Variants in FYN observed in about 807,000 individuals in gnomAD.
FYN encodes the protein tyrosine-protein kinase Fyn.
Under a neutral mutation model 70.2 loss-of-function variants are expected in FYN, and 10 were observed. The ratio of observed to expected loss-of-function variants is 0.14; its 90% CI spans 0.09 to 0.24. FYN has a LOEUF of 0.24. FYN is among the 10% of genes least tolerant of loss of function. The pLI is 1.00. For synonymous variants in FYN, 236 were observed against 248.6 expected, an observed-to-expected ratio of 0.95 and a Z score of 0.48; for missense variants, 319 against 673.1, an observed-to-expected ratio of 0.47 and a Z score of 5.82.
intron 2 of FYN, among the ~76,000 whole-genome samples, chr6:111,795,601 A>G (rs1185254939): frequency 6.6e-6 from 1 of 152,260 alleles, no homozygotes; most frequent in African/African-American, 2.4e-5. Flanking sequence ...CACCAAAATA[A>G]ATGGAAGAAC....
At chr6:111,842,142 G>A (rs970925035) in intron 2 of FYN, among the ~76,000 whole-genome samples, 2 of 152,156 alleles carry the variant, frequency 1.3e-5, no homozygotes, top group East Asian at 3.8e-4. Flanking sequence ...CTGAGGCTGG[G>A]TCACTCCGTT....
chr6:111,841,716 T>A (rs1583486572), intron 2 of FYN, among the ~76,000 whole-genome samples: 1 of 152,190 alleles, frequency 6.6e-6, no homozygotes, highest in Non-Finnish European at 1.5e-5. Flanking sequence ...AATATTGTTA[T>A]CTGCAGTTGT....
chr6:111,783,347 G>T (rs1026173633), intron 2 of FYN, among the ~76,000 whole-genome samples: 1 of 151,786 alleles, frequency 6.6e-6, no homozygotes, highest in Non-Finnish European at 1.5e-5. Context: ...AACCATGACT[G>T]ATGAGATTTC....
chr6:111,774,877 T>A (rs543866484), intron 3 of FYN, among the ~76,000 whole-genome samples: 1 of 152,148 alleles, frequency 6.6e-6, no homozygotes, highest in East Asian at 1.9e-4. Flanking sequence ...TGCCACCACA[T>A]CCGGCTAACT....
At chr6:111,684,206 T>C (rs1365501891) in intron 12 of FYN, among the ~76,000 whole-genome samples, 2 of 152,066 alleles carry the variant, frequency 1.3e-5, no homozygotes, top group Non-Finnish European at 2.9e-5. Flanking sequence ...AAGGGACAAG[T>C]TAGGCCAAGG....
At chr6:111,754,277 A>AT (rs1802614773) in intron 3 of FYN, among the ~76,000 whole-genome samples, 1 of 152,180 alleles carries the variant, frequency 6.6e-6, no homozygotes, top group Non-Finnish European at 1.5e-5. Flanking sequence ...GGGAAGAATC[A>AT]TTTGGGTGAG....
chr6:111,727,513 C>T (rs564123192), intron 3 of FYN, among the ~76,000 whole-genome samples: 1 of 152,038 alleles, frequency 6.6e-6, no homozygotes, highest in African/African-American at 2.4e-5. Flanking sequence ...GAGAGCCCCT[C>T]GCCAAATGCA....
chr6:111,822,325 T>G (rs1372872639), intron 2 of FYN, among the ~76,000 whole-genome samples: 1 of 152,164 alleles, frequency 6.6e-6, no homozygotes, highest in Non-Finnish European at 1.5e-5. Context: ...TTCATGTCCT[T>G]TGTAGGGACA....
chr6:111,722,336 GAT>G (rs2128464026), intron 3 of FYN, among the ~76,000 whole-genome samples: 1 of 152,242 alleles, frequency 6.6e-6, no homozygotes, highest in East Asian at 1.9e-4. Context: ...ATGGTAAATG[GAT>G]ATGATTTTAA....
chr6:111,794,738 GGCT>G (rs1771747921), intron 2 of FYN, among the ~76,000 whole-genome samples: 1 of 152,174 alleles, frequency 6.6e-6, no homozygotes, highest in South Asian at 2.1e-4. Flanking sequence ...TATTGTCTAT[GGCT>G]GCTTTCACAC....
At chr6:111,814,834 TGCAA>T (rs1283094776) in intron 2 of FYN, among the ~76,000 whole-genome samples, 5 of 152,216 alleles carry the variant, frequency 3.3e-5, no homozygotes, top group Admixed American at 1.3e-4. Context: ...GGGGCAGAAA[TGCAA>T]GCAAGGATTT....
chr6:111,808,169 C>A (rs1202573216), intron 2 of FYN, among the ~76,000 whole-genome samples: 1 of 152,128 alleles, frequency 6.6e-6, no homozygotes, highest in Non-Finnish European at 1.5e-5. Flanking sequence ...CCTCTGGAAC[C>A]ACTCAGCTTT....
chr6:111,784,525 C>T (rs1412385675), intron 2 of FYN, among the ~76,000 whole-genome samples: 1 of 152,178 alleles, frequency 6.6e-6, no homozygotes, highest in African/African-American at 2.4e-5. Flanking sequence ...CTAAATCAGC[C>T]AGTCTAAACG....
chr6:111,815,878 T>TACA (rs1221551622), intron 2 of FYN, among the ~76,000 whole-genome samples: 34 of 152,044 alleles, frequency 2.2e-4, no homozygotes, highest in African/African-American at 8.2e-4. Context: ...TTTTGTAGTT[T>TACA]TTGTAGAGAC....
intron 13 of FYN, among the ~76,000 whole-genome samples, chr6:111,663,363 G>A (rs1797852868): frequency 6.6e-6 from 1 of 152,232 alleles, no homozygotes; most frequent in South Asian, 2.1e-4. Context: ...CTAGAAACTT[G>A]TCAGCACAGC....
At chr6:111,799,998 C>T (rs181680110) in intron 2 of FYN, among the ~76,000 whole-genome samples, 2 of 152,302 alleles carry the variant, frequency 1.3e-5, no homozygotes, top group East Asian at 3.9e-4. Flanking sequence ...TTCCGAAGGA[C>T]ACGAGTGTGC....
At chr6:111,742,579 T>A (rs2128480328) in intron 3 of FYN, among the ~76,000 whole-genome samples, 1 of 152,284 alleles carries the variant, frequency 6.6e-6, no homozygotes, top group African/African-American at 2.4e-5. Context: ...AGAGGGGGAA[T>A]TTATCATGGA....
At chr6:111,826,001 A>G (rs1325568624) in intron 2 of FYN, among the ~76,000 whole-genome samples, 4 of 152,164 alleles carry the variant, frequency 2.6e-5, no homozygotes, top group Non-Finnish European at 4.4e-5. Context: ...CTATAATTTC[A>G]TTACTATTTA....
In FYN at chr6:111,700,142, T is replaced by C. The variant is rs1414723028; in HGVS notation, c.824A>G (p.Lys275Arg). The change falls in exon 9 of 14, where the codon AAG (lysine) becomes AGG (arginine). Residue 275 changes from lysine to arginine, a missense_variant. By Grantham distance (26) the Lys-to-Arg change is conservative (BLOSUM62 2). Coordinates refer to ENST00000354650, the MANE Select transcript of FYN (RefSeq NM_002037.5). The part of the protein sequence containing the change: ...EIPRESLQLI[K>R]RLGNGQFGEV... The stretch of plus-strand genomic sequence containing the variant: ...CCCAAACTGCCCATTTCCCAGTCTC[T>C]TGATCAACTGCAGGGATTCTCGAGG... The C allele has an allele frequency of 1.9e-6, 3 of 1,614,132 alleles. No individual in the cohort carries two copies. Among genetic ancestry groups the C allele is most frequent in the South Asian group, 2.2e-5 (2 of 91,082 alleles).
Sources: allele counts gnomAD v4.1 joint callset (sites outside exome capture counted in the v4.1 genomes callset), GRCh38; gene constraint gnomAD v4.1.1; transcripts MANE v1.5; gene names NCBI Gene and HGNC (gene_info 2026-07-23, HGNC 2026-07-21).